Variants in AGRN observed in about 807,000 individuals in gnomAD.
AGRN encodes agrin proteoglycan.
AGRN carries 106 observed loss-of-function variants against 211.0 expected under a neutral mutation model. The observed-to-expected ratio is 0.50, with a 90% CI of 0.43 to 0.59. AGRN has a LOEUF of 0.59. AGRN is among the 20% of genes least tolerant of loss of function. The pLI, the probability that AGRN is intolerant of heterozygous loss-of-function variation, is 0.00. For missense variants in AGRN, 3,040 were observed against 2,982.6 expected, an observed-to-expected ratio of 1.02 and a Z score of -0.45; for synonymous variants, 1,525 against 1,332.5, an observed-to-expected ratio of 1.14 and a Z score of -3.15.
intron 16 of AGRN, 21 bp downstream of exon 16, chr1:1,046,109 AGGGGAGT>A: frequency 1.2e-6 from 2 of 1,613,968 alleles, no homozygotes; most frequent in Non-Finnish European, 1.7e-6. Context: ...TGGGATGTGA[AGGGGAGT>A]GGGGAGGAGG....
intron 13 of AGRN, 40 bp downstream of exon 13, chr1:1,045,317 G>C: frequency 6.2e-7 from 1 of 1,612,104 alleles, no homozygotes; most frequent in Non-Finnish European, 8.5e-7. Flanking sequence ...GGCCTGGTGC[G>C]GCTGTGCGGC....
rs1405971221 is a variant in AGRN at position 1,050,845 on chromosome 1, C to T, written c.5253+8C>T. 5.7e-5 allele frequency: 88 copies of T among 1,552,652 alleles called. 1 individual carries two copies. Among genetic ancestry groups the T allele is most frequent in the Non-Finnish European group, 7.5e-5 (86 of 1,151,942 alleles). ...GTGTTGGGGGAGTCCCCGGTGAGTG[C>T]TCTGGGCCGCGAGGGGACTCCCGCT... On this transcript the variant is annotated splice_region_variant and intron_variant, in intron 30 of 35. Coordinates refer to ENST00000379370, the MANE Select transcript of AGRN (RefSeq NM_198576.4).
intron 2 of AGRN, among the ~76,000 whole-genome samples, chr1:1,024,198 G>A (rs1570137637): frequency 6.6e-6 from 1 of 152,060 alleles, no homozygotes. Flanking sequence ...CCTGGCTGCC[G>A]GGACAGGGTA....
Position 1,032,046 on chromosome 1 carries a change from C to T in AGRN, c.464-3231C>T, listed in dbSNP as rs1210725688. Among the ~76,000 whole-genome samples, 1 of 152,244 alleles carries T rather than the reference C, an allele frequency of 6.6e-6. No individual in the cohort carries two copies. The highest frequency in any genetic ancestry group is 1.5e-5 in the Non-Finnish European group (1 of 68,040). On this transcript the variant is annotated intron_variant, in intron 2 of 35. Coordinates refer to ENST00000379370, the MANE Select transcript of AGRN (RefSeq NM_198576.4). The surrounding 1 kb of genome is among the most constrained non-coding windows in gnomAD (Gnocchi z 4.7). ...GCACCCACAGTCAGCACCGCCGGAA[C>T]ACTGTCAGCCTGGTGTGGACAGTGC...
chr1:1,055,608 C>CG lies in AGRN; in HGVS notation c.*627_*628insG, dbSNP rs1256142668. 1 of 173,578 alleles carries CG rather than the reference C, an allele frequency of 5.8e-6. No homozygotes were observed. The highest frequency in any genetic ancestry group is 1.6e-4 in the East Asian group (1 of 6,164). 10.8% of individuals were successfully genotyped at this position (173,578 alleles called of 1,614,324 possible). On this transcript the variant is annotated 3_prime_UTR_variant, in exon 36 of 36. Transcript: ENST00000379370. ...CCCTGCCCAGCCACCCTGGACGTGA[C>CG]CGTATCCCTCTGCCACACCCCAGGC...
intron 3 of AGRN, 82 bp from the exon 4 acceptor site, chr1:1,040,583 C>A (rs1371965439): frequency 1.3e-6 from 2 of 1,487,196 alleles, no homozygotes; most frequent in African/African-American, 1.4e-5. Context: ...GCGCGGGCTG[C>A]GAGCACGGCA....
Position 1,049,450 on chromosome 1 carries a change from G to T in AGRN, c.4513G>T (p.Val1505Leu). The T allele has an allele frequency of 6.3e-7, 1 of 1,599,930 alleles. No homozygotes were observed. The highest frequency in any genetic ancestry group is 1.3e-5 in the African/African-American group (1 of 75,008). Residue 1505 changes from valine (V) to leucine (L), a missense_variant and splice_region_variant, in exon 25 of 36, where the codon GTG (valine) becomes TTG (leucine). By Grantham distance (32) the Val-to-Leu change is conservative. Coordinates refer to ENST00000379370, the MANE Select transcript of AGRN (RefSeq NM_198576.4). ...VGGVPEDQAAVALERTFVGAG... is the reference protein window; with the variant it reads ...VGGVPEDQAALALERTFVGAG... ...CGGCGTACCCGAGGACCAGGCTGCCGTGTGAGTCCCTTGGAGGGTGGTGTG... is the reference window on the plus strand; with the variant it reads ...CGGCGTACCCGAGGACCAGGCTGCCTTGTGAGTCCCTTGGAGGGTGGTGTG...
In AGRN at chr1:1,048,719, A is replaced by T; in HGVS notation, c.4106-148A>T. 5 of 956,508 alleles carry T rather than the reference A, an allele frequency of 5.2e-6. No individual in the cohort carries two copies. In the South Asian group the frequency reaches 8.8e-5, roughly 17 times the overall value. 59.3% of individuals were successfully genotyped at this position (956,508 alleles called of 1,614,324 possible). A position where few individuals can be genotyped will look rare whatever the true frequency, so the allele number is the denominator to read the frequency against. ...CAGGCGGAGGTTGCGGTGAGCCAGG[A>T]TCGCGCCACTGCACTCCAGCCGGGG... On this transcript the variant is annotated intron_variant, in intron 23 of 35. Coordinates refer to ENST00000379370, the MANE Select transcript of AGRN (RefSeq NM_198576.4). This position sits in a 1 kb window ranked among gnomAD's most constrained non-coding sequence, Gnocchi z 5.9.
Position 1,044,327 on chromosome 1 carries a change from C to T in AGRN, c.2149-7C>T, listed in dbSNP as rs1294542178. 6 of 1,612,574 alleles carry T rather than the reference C, an allele frequency of 3.7e-6. No homozygotes were observed. The highest frequency in any genetic ancestry group is 1.1e-5 in the South Asian group (1 of 91,084). On this transcript the variant is annotated splice_polypyrimidine_tract_variant and splice_region_variant and intron_variant, in intron 11 of 35. Transcript: ENST00000379370. The stretch of plus-strand genomic sequence containing the variant: ...CTGCGGCCGCTCACACTGACACCAC[C>T]CTCCAGGTGTGCGGCTCAGATGGGG...
At chr1:1,049,119 G>GCAGCTCA in intron 24 of AGRN, 60 bp downstream of exon 24, 1 of 995,384 alleles carries the variant, frequency 1.0e-6, no homozygotes, top group South Asian at 1.9e-5. Flanking sequence ...GACGGGCGGG[G>GCAGCTCA]GAGGGGGGGC....
intron 2 of AGRN, among the ~76,000 whole-genome samples, chr1:1,022,888 G>A (rs959697671): frequency 6.6e-6 from 1 of 152,208 alleles, no homozygotes; most frequent in Admixed American, 6.5e-5. Flanking sequence ...GGAGGGCGAG[G>A]CTGTGCGGCG....
rs749588875 is a variant in AGRN at position 1,046,456 on chromosome 1, C to T, written c.2971C>T (p.Leu991Phe). The T allele has an allele frequency of 5.8e-5, 93 of 1,612,240 alleles. No individual in the cohort carries two copies. Among genetic ancestry groups the T allele is most frequent in the Non-Finnish European group, 7.3e-5 (86 of 1,179,782 alleles). Reference sequence around the variant, plus strand: ...CTCCGTGACTGTGACCACCCCAGGGCTCCTCCTGAGCCAGGCACTGCCGGC... The same window carrying T: ...CTCCGTGACTGTGACCACCCCAGGGTTCCTCCTGAGCCAGGCACTGCCGGC... ...SASVTVTTPG[L>F]LLSQALPAPP... Residue 991 changes from leucine (L) to phenylalanine (F), a missense_variant, in exon 18 of 36, where the codon CTC (leucine) becomes TTC (phenylalanine). Leu to Phe is a conservative substitution (Grantham distance 22, BLOSUM62 0). Coordinates refer to ENST00000379370, the MANE Select transcript of AGRN (RefSeq NM_198576.4).
rs201166586 is a variant in AGRN at position 1,046,845 on chromosome 1, C to T, written c.3276C>T (p.Ser1092=). The T allele has an allele frequency of 2.5e-4, 400 of 1,585,974 alleles. 4 individuals are homozygous for T. In the East Asian group the frequency reaches 6.9e-3, roughly 27 times the overall value. Residue 1092 remains serine, a synonymous_variant, in exon 19 of 36, where the codon AGC becomes AGT. Coordinates refer to ENST00000379370, the MANE Select transcript of AGRN (RefSeq NM_198576.4). ...GGCTCGAGCCCTTGGAGGGCAGCAG[C>T]GTGGCCACCCCTGGGCCACCTGTCG... is the stretch of plus-strand genomic sequence containing the variant. ...SGGLEPLEGS[S]VATPGPPVER...
chr1:1,044,318 T>G lies in AGRN; in HGVS notation c.2149-16T>G. On this transcript the variant is annotated splice_polypyrimidine_tract_variant and intron_variant, in intron 11 of 35. Coordinates refer to ENST00000379370, the MANE Select transcript of AGRN (RefSeq NM_198576.4). ...GGGACGGGGCTGCGGCCGCTCACAC[T>G]GACACCACCCTCCAGGTGTGCGGCT... 1 of 1,612,592 alleles carries G rather than the reference T, an allele frequency of 6.2e-7. No homozygotes were observed.
intron 2 of AGRN, among the ~76,000 whole-genome samples, chr1:1,022,739 C>T (rs1393809742): frequency 1.3e-5 from 2 of 152,264 alleles, no homozygotes; most frequent in Admixed American, 1.3e-4. Flanking sequence ...TCCCAGCTCT[C>T]CATACTTCCT....
intron 2 of AGRN, 124 bp from the exon 3 acceptor site, chr1:1,035,153 T>C: frequency 9.4e-7 from 1 of 1,061,996 alleles, no homozygotes; most frequent in East Asian, 2.6e-5. Flanking sequence ...GCAGCCTGGA[T>C]CCCTGGGGCT....
At chr1:1,051,037 C>G in intron 30 of AGRN, 200 bp downstream of exon 30, 1 of 1,549,158 alleles carries the variant, frequency 6.5e-7, no homozygotes. Context: ...GCCAGAAATC[C>G]CGCAAGGTAC....
Position 1,043,322 on chromosome 1 carries a change from T to C in AGRN, c.1468T>C (p.Cys490Arg). 1 of 1,610,396 alleles carries C rather than the reference T, an allele frequency of 6.2e-7. No individual in the cohort carries two copies. The highest frequency in any genetic ancestry group is 8.5e-7 in the Non-Finnish European group (1 of 1,179,196). ...AVKNGQAACE[C>R]LQACSSLYDP... ...GAAGAACGGGCAGGCAGCGTGTGAA[T>C]GCCTGCAGGCGTGCTCGAGCCTCTA... The change falls in exon 8 of 36, where the codon TGC becomes CGC. Residue 490 changes from cysteine (C) to arginine (R), a missense_variant. Around this residue, in one of 3 missense-constraint regions of AGRN, gnomAD observed 1,498 missense variants for 1,457.8 expected, o/e 1.03. Coordinates refer to ENST00000379370, the MANE Select transcript of AGRN (RefSeq NM_198576.4).
intron 34 of AGRN, among the ~76,000 whole-genome samples, 191 bp downstream of exon 34, chr1:1,054,168 G>A (rs530942214): frequency 3.0e-4 from 45 of 152,352 alleles, no homozygotes; most frequent in African/African-American, 9.6e-4. Context: ...TTCCACGTCT[G>A]AAAGGCATCC....
Sources: allele counts gnomAD v4.1 joint callset (sites outside exome capture counted in the v4.1 genomes callset), GRCh38; gene constraint gnomAD v4.1.1; regional missense constraint gnomAD v4.1.1; non-coding constraint Gnocchi (gnomAD v3.1); transcripts MANE v1.5; gene names NCBI Gene and HGNC (gene_info 2026-07-23, HGNC 2026-07-21).